PLXND1: variants seen among roughly 807,000 people sequenced by gnomAD.
The protein encoded by PLXND1 is plexin-D1.
In PLXND1, 54 loss-of-function variants were observed where a neutral mutation model predicts 197.7. That is an observed-to-expected ratio of 0.27 (90% CI 0.22 to 0.34). PLXND1 has a LOEUF of 0.34. PLXND1 is among the 10% of genes least tolerant of loss of function. The pLI is 1.00. For synonymous variants in PLXND1, 1,180 were observed against 1,161.2 expected, an observed-to-expected ratio of 1.02 and a Z score of -0.33; for missense variants, 2,127 against 2,699.2, an observed-to-expected ratio of 0.79 and a Z score of 4.70.
intron 1 of PLXND1, among the ~76,000 whole-genome samples, chr3:129,603,259 T>C (rs1475701613): frequency 2.0e-5 from 3 of 152,206 alleles, no homozygotes; most frequent in Non-Finnish European, 4.4e-5. Flanking sequence ...CCTGGGGCTG[T>C]GTCCCTGGAG....
intron 1 of PLXND1, 70 bp from the exon 2 acceptor site, chr3:129,589,597 T>G: frequency 5.3e-6 from 7 of 1,327,444 alleles, no homozygotes; most frequent in Non-Finnish European, 7.2e-6. Context: ...CACAGCTGGC[T>G]GGGATCTCAG....
chr3:129,562,809 C>G lies in PLXND1; in HGVS notation c.4803G>C (p.Pro1601=). The stretch of plus-strand genomic sequence containing the variant: ...CACCAAGGTCGACGTCCTCTGCACG[C>G]GGCCACTGGGAGTAGGGCACATTCT... ...FCKNVPYSQW[P]RAEDVDLEWF... is the part of the protein sequence containing the mutation. The change falls in exon 27 of 36, where the codon CCG becomes CCC. Residue 1601 remains proline (P), a synonymous_variant. Transcript: ENST00000324093. 1 of 1,603,786 alleles carries G rather than the reference C, an allele frequency of 6.2e-7. No homozygotes were observed. Among genetic ancestry groups the G allele is most frequent in the African/African-American group, 1.3e-5 (1 of 74,852 alleles).
At chr3:129,602,542 C>T (rs1001081733) in intron 1 of PLXND1, among the ~76,000 whole-genome samples, 5 of 152,200 alleles carry the variant, frequency 3.3e-5, no homozygotes, top group African/African-American at 1.2e-4. Flanking sequence ...CTGCCCAGCC[C>T]ACAAGAGTAG....
At chr3:129,566,442 G>A in intron 23 of PLXND1, 85 bp downstream of exon 23, 1 of 818,078 alleles carries the variant, frequency 1.2e-6, no homozygotes, top group South Asian at 1.4e-5. Flanking sequence ...AGGGATCAAT[G>A]CATTAGATGA....
Position 129,557,006 on chromosome 3 carries a change from A to G in PLXND1, c.5586+77T>C, listed in dbSNP as rs1445649488. On this transcript the variant is annotated intron_variant, in intron 34 of 35. Coordinates refer to ENST00000324093, the MANE Select transcript of PLXND1 (RefSeq NM_015103.3). The surrounding 1 kb of genome is among the most constrained non-coding windows in gnomAD (Gnocchi z 4.8). ...GCGCTCCCTGCCCTTACTCCAGTGG[A>G]GGCATTGAGGCCCAGCCCCCGACCC... 6.7e-6 allele frequency: 10 copies of G among 1,483,232 alleles called. No homozygotes were observed. Among genetic ancestry groups the G allele is most frequent in the Non-Finnish European group, 9.3e-6 (10 of 1,078,990 alleles). 91.9% of individuals were successfully genotyped at this position (1,483,232 alleles called of 1,614,324 possible).
At chr3:129,567,943 A>G (rs1578317080) in intron 20 of PLXND1, 138 bp from the exon 21 acceptor site, 1 of 169,796 alleles carries the variant, frequency 5.9e-6, no homozygotes, top group East Asian at 2.0e-4. Flanking sequence ...CCTCCTGGGC[A>G]GGGTTGGGGT....
chr3:129,605,674 G>T lies in PLXND1; in HGVS notation c.966C>A (p.Cys322Ter). The T allele has an allele frequency of 6.5e-7, 1 of 1,537,472 alleles. No individual in the cohort carries two copies. ...CGTCGCCGCCGGCGCCGTGGGGCAG[G>T]CAGATGCGCGCCAGCAGGCTCCGCG... Reference protein sequence around the residue: ...SQARSLLARICLPHGAGGDAK... With the variant: ...SQARSLLARI Residue 322 changes from cysteine (C) to a stop codon, truncating the protein, a stop_gained, in exon 1 of 36, where the codon TGC (cysteine) becomes TGA (stop). Transcript: ENST00000324093. LOFTEE classifies it high-confidence loss of function.
At position 129,557,941 on chromosome 3, in the gene PLXND1, A is replaced by C. The variant is rs558873586; in HGVS notation, c.5445+487T>G. 6.6e-6 allele frequency among the ~76,000 whole-genome samples: 1 copy of C among 152,162 alleles called. No individual in the cohort carries two copies. Among genetic ancestry groups the C allele is most frequent in the Admixed American group, 6.5e-5 (1 of 15,280 alleles). On this transcript the variant is annotated intron_variant, in intron 33 of 35. Coordinates refer to ENST00000324093, the MANE Select transcript of PLXND1 (RefSeq NM_015103.3). The surrounding 1 kb of genome is among the most constrained non-coding windows in gnomAD (Gnocchi z 4.8). ...ATCCTCTTTCATCTTCAACCTCTAA[A>C]GCCAGACACAGCCTTGTGTGCCCCC...
In PLXND1 at chr3:129,605,852, T is replaced by C. The variant is rs2085784121; in HGVS notation, c.788A>G (p.Asn263Ser). 2 of 1,613,082 alleles carry C rather than the reference T, an allele frequency of 1.2e-6. No homozygotes were observed. The highest frequency in any genetic ancestry group is 1.7e-5 in the Admixed American group (1 of 59,980). The change falls in exon 1 of 36, where the codon AAC (asparagine) becomes AGC (serine). Residue 263 changes from asparagine (N) to serine (S), a missense_variant. Asn to Ser is a conservative substitution (Grantham distance 46, BLOSUM62 1). Coordinates refer to ENST00000324093, the MANE Select transcript of PLXND1 (RefSeq NM_015103.3). The stretch of plus-strand genomic sequence containing the variant: ...GGCGCCCTGCTTGATCTTGAGGATG[T>C]TGTCGTCGGAGGGGTTGAGGTCGAA... ...FTFDLNPSDD[N>S]ILKIKQGAKE...
chr3:129,596,570 G>A (rs555178312), intron 1 of PLXND1, among the ~76,000 whole-genome samples: 3 of 152,258 alleles, frequency 2.0e-5, no homozygotes, highest in South Asian at 4.2e-4. Context: ...GAGGGGCAGA[G>A]CACGAAGCCA....
At chr3:129,604,372 A>C (rs536563429) in intron 1 of PLXND1, among the ~76,000 whole-genome samples, 9 of 152,378 alleles carry the variant, frequency 5.9e-5, no homozygotes, top group African/African-American at 2.2e-4. Flanking sequence ...ACAGATGCTG[A>C]GGCCAGACAG....
intron 1 of PLXND1, 68 bp downstream of exon 1, chr3:129,605,261 T>TTGCC: frequency 1.8e-4 from 91 of 493,774 alleles, no homozygotes; most frequent in Non-Finnish European, 2.6e-4. Context: ...CCCGCTCGGT[T>TTGCC]CCCGCCCGCC....
chr3:129,597,252 C>A (rs1398101392), intron 1 of PLXND1, among the ~76,000 whole-genome samples: 1 of 152,036 alleles, frequency 6.6e-6, no homozygotes, highest in Non-Finnish European at 1.5e-5. Context: ...AGCCTCCCCA[C>A]CCGCCGCTCT....
At chr3:129,588,596 G>A (rs2085493782) in intron 2 of PLXND1, among the ~76,000 whole-genome samples, 1 of 152,270 alleles carries the variant, frequency 6.6e-6, no homozygotes, top group African/African-American at 2.4e-5. Context: ...CGTCTGCCCA[G>A]GCAGTGGGTT....
chr3:129,556,020 G>A lies in PLXND1; in HGVS notation c.*292C>T. 2.7e-6 allele frequency: 1 copy of A among 365,332 alleles called. No homozygotes were observed. The highest frequency in any genetic ancestry group is 5.0e-6 in the Non-Finnish European group (1 of 199,788). 22.6% of individuals were successfully genotyped at this position (365,332 alleles called of 1,614,324 possible). Reference sequence around the variant, plus strand: ...AGCAGGACCAACTGGACGTTGTGGAGCAAGTGGGTGGGCACAGTGCAGGCC... The same window carrying A: ...AGCAGGACCAACTGGACGTTGTGGAACAAGTGGGTGGGCACAGTGCAGGCC... On this transcript the variant is annotated 3_prime_UTR_variant, in exon 36 of 36. Transcript: ENST00000324093.
At chr3:129,597,492 C>A (rs777992181) in intron 1 of PLXND1, among the ~76,000 whole-genome samples, 4 of 152,210 alleles carry the variant, frequency 2.6e-5, no homozygotes, top group African/African-American at 7.2e-5. Flanking sequence ...GGCCCCCCCC[C>A]ATTATTTACC....
chr3:129,563,211 C>T lies in PLXND1; in HGVS notation c.4551G>A (p.Leu1517=). The T allele has an allele frequency of 6.2e-7, 1 of 1,612,456 alleles. No homozygotes were observed. Among genetic ancestry groups the T allele is most frequent in the African/African-American group, 1.3e-5 (1 of 75,020 alleles). Residue 1517 remains leucine, a synonymous_variant, in exon 26 of 36, where the codon CTG becomes CTA. Transcript: ENST00000324093. ...RETVGEPFFL[L]LCAIKQQINK... ...TGATTTGCTGCTTGATGGCACACAGCAGCAGGAAGAATGGCTCCCCCACCG... is the reference window on the plus strand; with the variant it reads ...TGATTTGCTGCTTGATGGCACACAGTAGCAGGAAGAATGGCTCCCCCACCG...
In PLXND1 at chr3:129,605,321, G is replaced by T. The variant is rs1267914085; in HGVS notation, c.1311+8C>A. On this transcript the variant is annotated splice_region_variant and intron_variant, in intron 1 of 35. Coordinates refer to ENST00000324093, the MANE Select transcript of PLXND1 (RefSeq NM_015103.3). Reference sequence around the variant, plus strand: ...GCCGCCGCCGCCGCCGCCACCGCCCGGGTGTACCTGGATGTTGAGCTTGCG... The same window carrying T: ...GCCGCCGCCGCCGCCGCCACCGCCCTGGTGTACCTGGATGTTGAGCTTGCG... The T allele has an allele frequency of 1.6e-6, 2 of 1,287,432 alleles. No individual in the cohort carries two copies. The highest frequency in any genetic ancestry group is 9.8e-7 in the Non-Finnish European group (1 of 1,016,028). 79.8% of individuals were successfully genotyped at this position (1,287,432 alleles called of 1,614,324 possible). A position where few individuals can be genotyped will look rare whatever the true frequency, so the allele number is the denominator to read the frequency against.
In PLXND1 at chr3:129,558,147, A is replaced by T. The variant is rs572293333; in HGVS notation, c.5445+281T>A. 1.3e-4 allele frequency among the ~76,000 whole-genome samples: 20 copies of T among 152,106 alleles called. No individual in the cohort carries two copies. Among genetic ancestry groups the T allele is most frequent in the Non-Finnish European group, 2.8e-4 (19 of 68,026 alleles). On this transcript the variant is annotated intron_variant, in intron 33 of 35. Transcript: ENST00000324093. The surrounding 1 kb of genome is among the most constrained non-coding windows in gnomAD (Gnocchi z 4.1). ...TCCAAGCTCATACTGGCTTTCCCAC[A>T]CCGGGTTCTCAGGCCTGTGTTCAAA...
Sources: allele counts gnomAD v4.1 joint callset (sites outside exome capture counted in the v4.1 genomes callset), GRCh38; gene constraint gnomAD v4.1.1; non-coding constraint Gnocchi (gnomAD v3.1); transcripts MANE v1.5; gene names NCBI Gene and HGNC (gene_info 2026-07-23, HGNC 2026-07-21).